CDCA5: variants seen among roughly 807,000 people sequenced by gnomAD.
CDCA5 encodes the protein sororin.
CDCA5 carries 14 observed loss-of-function variants against 25.7 expected under a neutral mutation model. The ratio of observed to expected loss-of-function variants is 0.54; its 90% CI spans 0.36 to 0.85. The LOEUF is 0.85. Ranked by LOEUF, CDCA5 falls within the 40% of genes least tolerant of loss-of-function variation. CDCA5 has a pLI of 0.01. For missense variants in CDCA5, 307 were observed against 324.5 expected (o/e 0.95, Z 0.41); for synonymous variants, 127 against 128.7 (o/e 0.99, Z 0.09).
downstream of CDCA5, among the ~76,000 whole-genome samples, chr11:65,062,210 G>A (rs983417563): frequency 3.3e-5 from 5 of 152,082 alleles, no homozygotes; most frequent in Non-Finnish European, 2.9e-5. Context: ...GAGAGCCACC[G>A]TGCCCAGCCT....
intron 1 of CDCA5, among the ~76,000 whole-genome samples, chr11:65,071,887 C>T (rs1438315698): frequency 1.3e-5 from 2 of 152,188 alleles, no homozygotes; most frequent in African/African-American, 4.8e-5. Flanking sequence ...GATTTCAGTC[C>T]TGCTCTGCTG....
downstream of CDCA5, among the ~76,000 whole-genome samples, chr11:65,064,156 C>T (rs889898291): frequency 3.3e-5 from 5 of 152,168 alleles, no homozygotes; most frequent in African/African-American, 1.2e-4. Context: ...CAGTGGCTCA[C>T]ACCTGTAATC....
chr11:65,071,378 G>A (rs764840433), intron 1 of CDCA5, among the ~76,000 whole-genome samples: 3 of 146,222 alleles, frequency 2.1e-5, no homozygotes, highest in Admixed American at 6.9e-5. Context: ...GGACAGTCTC[G>A]CTTTGTTGCC....
exon 2 of CDCA5, chr11:65,068,595 T>G (rs1199820727): frequency 7.8e-7 from 1 of 1,288,222 alleles, no homozygotes; most frequent in South Asian, 1.2e-5. Context: ...TGTCTGCCCC[T>G]AAGAGACTGA....
At chr11:65,074,274 T>C (rs550445073), downstream of CDCA5, among the ~76,000 whole-genome samples, 2 of 152,304 alleles carry the variant, frequency 1.3e-5, no homozygotes, top group South Asian at 2.1e-4. Context: ...GGTTTCACCA[T>C]GTTGGCCAGG....
intron 4 of CDCA5, among the ~76,000 whole-genome samples, chr11:65,080,518 A>C (rs1351763175): frequency 1.3e-5 from 2 of 152,072 alleles, no homozygotes; most frequent in African/African-American, 4.8e-5. Flanking sequence ...GGCTCACGCA[A>C]TCCTCCTACC....
Position 65,083,381 on chromosome 11 carries a change from G to A in CDCA5, c.226C>T (p.Pro76Ser), listed in dbSNP as rs1340513674. The A allele has an allele frequency of 6.2e-7, 1 of 1,614,208 alleles. No homozygotes were observed. Among genetic ancestry groups the A allele is most frequent in the Non-Finnish European group, 8.5e-7 (1 of 1,180,044 alleles). ...HAVEVPAVQS[P>S]RRSPRISFFL... is the part of the protein sequence containing the mutation. ...GAACTCACCCTAGGGCTCCTGCGAG[G>A]TGATTGGACAGCTGGGACCTGCGGG... is the stretch of plus-strand genomic sequence containing the variant. Residue 76 changes from proline (P) to serine (S), a missense_variant, in exon 4 of 6, where the codon CCT becomes TCT. By Grantham distance (74) the Pro-to-Ser change is moderately conservative. Transcript: ENST00000275517.
In CDCA5 at chr11:65,078,145, T is replaced by C. The variant is rs1947483876; in HGVS notation, c.*962A>G. ...CTTTCCGAGGACTTTACAAGCATAG[T>C]TGCAAAATGCTAGTAGGTCTGGGAC... On this transcript the variant is annotated 3_prime_UTR_variant, in exon 6 of 6. Coordinates refer to ENST00000275517, the MANE Select transcript of CDCA5 (RefSeq NM_080668.4). 3 of 985,440 alleles carry C rather than the reference T, an allele frequency of 3.0e-6. No individual in the cohort carries two copies. Among genetic ancestry groups the C allele is most frequent in the East Asian group, 1.1e-4 (1 of 8,812 alleles). 61.0% of individuals were successfully genotyped at this position (985,440 alleles called of 1,614,324 possible). A position where few individuals can be genotyped will look rare whatever the true frequency, so the allele number is the denominator to read the frequency against.
chr11:65,080,125 C>T (rs1386064504), intron 4 of CDCA5, among the ~76,000 whole-genome samples: 2 of 152,074 alleles, frequency 1.3e-5, no homozygotes, highest in Non-Finnish European at 2.9e-5. Flanking sequence ...TTCCTGACCT[C>T]GTGATCCGCC....
downstream of CDCA5, among the ~76,000 whole-genome samples, chr11:65,062,199 C>T (rs1482159621): frequency 5.3e-5 from 8 of 152,174 alleles, no homozygotes; most frequent in Admixed American, 1.3e-4. Context: ...GGATTACAGG[C>T]GAGAGCCACC....
chr11:65,077,510 T>G lies in CDCA5; in HGVS notation c.*1597A>C. On this transcript the variant is annotated 3_prime_UTR_variant, in exon 6 of 6. Coordinates refer to ENST00000275517, the MANE Select transcript of CDCA5 (RefSeq NM_080668.4). Reference sequence around the variant, plus strand: ...TTTCCAACTCTAAAACAAAATCCCATTTTTTCCTTAAATTTAGTTCCTCAG... The same window carrying G: ...TTTCCAACTCTAAAACAAAATCCCAGTTTTTCCTTAAATTTAGTTCCTCAG... 1 of 985,416 alleles carries G rather than the reference T, an allele frequency of 1.0e-6. No individual in the cohort carries two copies. Among genetic ancestry groups the G allele is most frequent in the South Asian group, 4.7e-5 (1 of 21,290 alleles). 61.0% of individuals were successfully genotyped at this position (985,416 alleles called of 1,614,324 possible).
At chr11:65,080,131 C>T (rs1427977906) in intron 4 of CDCA5, among the ~76,000 whole-genome samples, 2 of 152,128 alleles carry the variant, frequency 1.3e-5, no homozygotes, top group Non-Finnish European at 2.9e-5. Context: ...ACCTCGTGAT[C>T]CGCCCGCCTC....
intron 4 of CDCA5, among the ~76,000 whole-genome samples, chr11:65,081,771 G>T (rs1287928947): frequency 6.6e-6 from 1 of 152,084 alleles, no homozygotes; most frequent in African/African-American, 2.4e-5. Flanking sequence ...TTCAAGACCG[G>T]CCTGGGCAAC....
chr11:65,063,433 A>T (rs1474212546), downstream of CDCA5, among the ~76,000 whole-genome samples: 1 of 152,166 alleles, frequency 6.6e-6, no homozygotes, highest in African/African-American at 2.4e-5. Context: ...TCCACTGGAG[A>T]TCAGATAACA....
At position 65,078,001 on chromosome 11, in the gene CDCA5, A is replaced by G; in HGVS notation, c.*1106T>C. On this transcript the variant is annotated 3_prime_UTR_variant, in exon 6 of 6. Coordinates refer to ENST00000275517, the MANE Select transcript of CDCA5 (RefSeq NM_080668.4). ...TCCACACGATGGAAAGAAGAGAAAG[A>G]TGGGGAAATTCTCCAGAGATCATGA... is the stretch of plus-strand genomic sequence containing the variant. The G allele has an allele frequency of 1.0e-6, 1 of 985,488 alleles. No homozygotes were observed. The highest frequency in any genetic ancestry group is 1.2e-6 in the Non-Finnish European group (1 of 829,960). 61.0% of individuals were successfully genotyped at this position (985,488 alleles called of 1,614,324 possible).
Position 65,079,370 on chromosome 11 carries a change from T to C in CDCA5, c.661A>G (p.Lys221Glu). The stretch of plus-strand genomic sequence containing the variant: ...TCACTCACCAAGATCTCTGGCATTT[T>C]CTTCTTCTTACGTTTCTGTTTCTCG... The part of the protein sequence containing the change: ...PPEKQKRKKK[K>E]MPEILKTELD... Residue 221 changes from lysine to glutamate, a missense_variant, in exon 5 of 6, where the codon AAA becomes GAA. Physicochemically the swap from Lys to Glu is moderately conservative, Grantham distance 56. Coordinates refer to ENST00000275517, the MANE Select transcript of CDCA5 (RefSeq NM_080668.4). 6.2e-7 allele frequency: 1 copy of C among 1,613,986 alleles called. No homozygotes were observed.
chr11:65,067,888 G>T, intron 3 of CDCA5: 1 of 847,520 alleles, frequency 1.2e-6, no homozygotes, highest in Non-Finnish European at 1.7e-6. Context: ...CACGGGCCAG[G>T]ACTGAGTCCT....
chr11:65,067,290 C>T (rs1377762646), intron 4 of CDCA5, among the ~76,000 whole-genome samples: 2 of 152,192 alleles, frequency 1.3e-5, no homozygotes, highest in Non-Finnish European at 2.9e-5. Context: ...CCAGCCCTGC[C>T]TAGGCGCTCC....
rs56999278 is a variant in CDCA5 at position 65,070,944 on chromosome 11, C to CTTTT, written c.64-2347_64-2344dup. ...AGTTTGGGATTTTGGATTTTCTTTT[C>CTTTT]TTTTTTTTTTTTTTTGAGACAGAGT... On this transcript the variant is annotated intron_variant, in intron 1 of 6. Transcript: ENST00000525464. Among the ~76,000 whole-genome samples the CTTTT allele has an allele frequency of 6.5e-5, 9 of 138,398 alleles. No homozygotes were observed. The South Asian group carries it at 2.1e-3, about 32-fold the overall frequency. 90.8% of individuals were successfully genotyped at this position (138,398 alleles called of 152,430 possible). A position where few individuals can be genotyped will look rare whatever the true frequency, so the allele number is the denominator to read the frequency against.
Sources: allele counts gnomAD v4.1 joint callset (sites outside exome capture counted in the v4.1 genomes callset), GRCh38; gene constraint gnomAD v4.1.1; transcripts MANE v1.5; gene names NCBI Gene and HGNC (gene_info 2026-07-23, HGNC 2026-07-21).